Variants in ATP2C1 observed in about 807,000 individuals in gnomAD.
The protein encoded by ATP2C1 is ATPase secretory pathway Ca2+ transporting 1.
ATP2C1 carries 31 observed loss-of-function variants against 120.5 expected under a neutral mutation model. The observed-to-expected ratio is 0.26, with a 90% CI of 0.19 to 0.35. ATP2C1 has a LOEUF of 0.35. Ranked by LOEUF, ATP2C1 falls within the 10% of genes least tolerant of loss-of-function variation. ATP2C1 has a pLI of 1.00. For missense variants in ATP2C1, 731 were observed against 1,107.5 expected (o/e 0.66, Z 4.83); for synonymous variants, 351 against 358.7 (o/e 0.98, Z 0.24).
intron 17 of ATP2C1, among the ~76,000 whole-genome samples, chr3:130,970,369 T>TATACAC (rs1553772605): frequency 7.7e-6 from 1 of 130,696 alleles, no homozygotes; most frequent in Non-Finnish European, 1.6e-5. Context: ...AAAAAAAAAT[T>TATACAC]ACACACACAC....
chr3:130,992,894 G>C, intron 20 of ATP2C1, 57 bp from the exon 21 acceptor site: 1 of 1,392,700 alleles, frequency 7.2e-7, no homozygotes, highest in Non-Finnish European at 1.0e-6. Context: ...GAATGCATGG[G>C]TTATTCTGTA....
intron 1 of ATP2C1, among the ~76,000 whole-genome samples, chr3:130,865,031 G>T (rs1216983279): frequency 6.6e-6 from 1 of 152,116 alleles, no homozygotes; most frequent in Non-Finnish European, 1.5e-5. Flanking sequence ...TCCTAGAAAA[G>T]CCGCAGACAC....
intron 20 of ATP2C1, among the ~76,000 whole-genome samples, chr3:130,988,620 C>G (rs1577006487): frequency 6.6e-6 from 1 of 152,088 alleles, no homozygotes; most frequent in African/African-American, 2.4e-5. Flanking sequence ...GAAGCAGCTA[C>G]AGAAAATTGA....
intron 26 of ATP2C1, chr3:131,014,152 C>T: frequency 1.2e-6 from 2 of 1,613,836 alleles, no homozygotes; most frequent in Non-Finnish European, 1.7e-6. Context: ...TTGGTGTGTG[C>T]AGTGGTTCTC....
At chr3:130,872,772 A>G (rs62280754) in intron 1 of ATP2C1, among the ~76,000 whole-genome samples, 15,275 of 151,950 alleles carry the variant, frequency 0.1, 880 homozygotes, top group Non-Finnish European at 0.13. Context: ...TTTAGTAGAG[A>G]CGGAGTTTCA....
chr3:130,918,731 C>G, intron 2 of ATP2C1: 1 of 414,758 alleles, frequency 2.4e-6, no homozygotes, highest in East Asian at 5.8e-5. Context: ...GTGGCTCACG[C>G]CTGTAATCCC....
chr3:130,997,814 A>C, intron 25 of ATP2C1, 61 bp downstream of exon 25: 1 of 1,559,946 alleles, frequency 6.4e-7, no homozygotes, highest in Middle Eastern at 1.7e-4. Flanking sequence ...TAGGATTCTT[A>C]GTTATTTTGA....
intron 8 of ATP2C1, among the ~76,000 whole-genome samples, chr3:130,942,759 CTT>C (rs1206712959): frequency 1.3e-5 from 2 of 152,252 alleles, no homozygotes; most frequent in South Asian, 4.1e-4. Flanking sequence ...TCTTTGAGGT[CTT>C]TTTAATGTTA....
intron 20 of ATP2C1, among the ~76,000 whole-genome samples, chr3:130,986,481 A>G (rs1196071380): frequency 1.3e-5 from 2 of 152,216 alleles, no homozygotes; most frequent in Non-Finnish European, 2.9e-5. Context: ...GAAAGAAACT[A>G]ATTACAAATT....
chr3:130,920,382 A>AT (rs1432355777), intron 2 of ATP2C1, among the ~76,000 whole-genome samples: 2 of 151,556 alleles, frequency 1.3e-5, no homozygotes, highest in Non-Finnish European at 2.9e-5. Context: ...GGCCCAGTTT[A>AT]TTTTTTTTAG....
intron 8 of ATP2C1, among the ~76,000 whole-genome samples, 188 bp downstream of exon 8, chr3:130,941,887 GTGTT>G (rs1334067835): frequency 3.3e-5 from 5 of 151,900 alleles, no homozygotes. Flanking sequence ...ATCTTTTGAG[GTGTT>G]TGTTTAGTGA....
chr3:130,876,323 A>T (rs2107795041), intron 1 of ATP2C1, among the ~76,000 whole-genome samples: 1 of 152,212 alleles, frequency 6.6e-6, no homozygotes, highest in East Asian at 1.9e-4. Flanking sequence ...TTAGGGGTCT[A>T]ATTTAATTCT....
chr3:130,953,790 T>C, intron 8 of ATP2C1, 31 bp from the exon 9 acceptor site: 1 of 1,613,520 alleles, frequency 6.2e-7, no homozygotes. Context: ...TAGCACAAAA[T>C]TTGAATCTGG....
rs187350239 is a variant in ATP2C1 at position 130,979,541 on chromosome 3, G to A, written c.1741+122G>A. On this transcript the variant is annotated intron_variant, in intron 19 of 27. Transcript: ENST00000510168. ...ATATTGAGATTATGCAATTGAAATC[G>A]ACTCATGGTTTTGCTCATGGTCTAT... 2.5e-4 allele frequency: 284 copies of A among 1,116,790 alleles called. 1 individual carries two copies. In the East Asian group the frequency reaches 3.1e-3, roughly 12 times the overall value. 69.2% of individuals were successfully genotyped at this position (1,116,790 alleles called of 1,614,324 possible).
At chr3:130,907,275 C>T (rs888222836) in intron 2 of ATP2C1, among the ~76,000 whole-genome samples, 5 of 152,048 alleles carry the variant, frequency 3.3e-5, no homozygotes, top group Admixed American at 1.3e-4. Flanking sequence ...GAATGGTATC[C>T]TCTACATCAG....
chr3:131,016,465 C>T (rs1400089838), exon 27 of ATP2C1: 7 of 1,065,102 alleles, frequency 6.6e-6, no homozygotes, highest in African/African-American at 4.8e-5. Flanking sequence ...ATGTTTTTCT[C>T]TTCTGGCTTC....
chr3:130,981,207 C>T (rs965389227), intron 20 of ATP2C1, among the ~76,000 whole-genome samples: 1 of 152,126 alleles, frequency 6.6e-6, no homozygotes, highest in East Asian at 1.9e-4. Context: ...ACCTTCTCCC[C>T]CTACTTCCAG....
In ATP2C1 at chr3:131,003,102, A is replaced by G. The variant is rs2062968810; in HGVS notation, c.*1752A>G. 14 of 984,286 alleles carry G rather than the reference A, an allele frequency of 1.4e-5. No individual in the cohort carries two copies. Among genetic ancestry groups the G allele is most frequent in the Non-Finnish European group, 1.4e-5 (12 of 828,468 alleles). The allele number at this position is 984,286 out of a possible 1,614,324, so 61.0% of individuals were successfully genotyped here. The stretch of plus-strand genomic sequence containing the variant: ...ACTTGATTGAAATAAATGTGCCTAT[A>G]CATTCATTTGCTTTGTACTATAAAA... On this transcript the variant is annotated 3_prime_UTR_variant, in exon 28 of 28. Coordinates refer to ENST00000510168, the MANE Select transcript of ATP2C1 (RefSeq NM_001378687.1).
chr3:130,949,991 C>A (rs753735084), intron 8 of ATP2C1, among the ~76,000 whole-genome samples: 2 of 151,998 alleles, frequency 1.3e-5, no homozygotes, highest in South Asian at 2.1e-4. Flanking sequence ...ATCAGTGTAC[C>A]GTATGTCAAA....
Sources: gnomAD v4.1 joint callset for allele counts (sites outside exome capture counted in the v4.1 genomes callset) on GRCh38, gnomAD v4.1.1 for gene constraint, MANE v1.5 for transcripts, NCBI Gene and HGNC (gene_info 2026-07-23, HGNC 2026-07-21) for gene names.